The following NPAS3 variants were observed in gnomAD, a reference collection of about 807,000 sequenced individuals.
NPAS3 encodes neuronal PAS domain protein 3, also known as neuronal PAS domain-containing protein 3.
Under a neutral mutation model 73.1 loss-of-function variants are expected in NPAS3, and 14 were observed. The observed-to-expected ratio is 0.19, with a 90% CI of 0.13 to 0.30. The LOEUF (loss-of-function observed/expected upper bound fraction) is 0.30, where lower values mean the gene tolerates loss of function less well. NPAS3 is among the 10% of genes least tolerant of loss of function. The pLI, the probability that NPAS3 is intolerant of heterozygous loss-of-function variation, is 1.00. For synonymous variants in NPAS3, 620 were observed against 541.5 expected, an observed-to-expected ratio of 1.14 and a Z score of -2.01; for missense variants, 1,096 against 1,250.0, an observed-to-expected ratio of 0.88 and a Z score of 1.86.
intron 2 of NPAS3, among the ~76,000 whole-genome samples, chr14:33,213,349 G>T (rs1375857333): frequency 6.6e-6 from 1 of 152,196 alleles, no homozygotes; most frequent in Non-Finnish European, 1.5e-5. Flanking sequence ...ATGTAAAAGT[G>T]TTAGGGAAAA....
At chr14:33,426,959 G>A (rs2048578731) in intron 4 of NPAS3, among the ~76,000 whole-genome samples, 1 of 151,988 alleles carries the variant, frequency 6.6e-6, no homozygotes, top group Non-Finnish European at 1.5e-5. Flanking sequence ...TACCTTGACT[G>A]CTTTTTGACC....
chr14:33,142,178 T>C (rs960745800), intron 2 of NPAS3, among the ~76,000 whole-genome samples: 4 of 148,192 alleles, frequency 2.7e-5, no homozygotes, highest in Non-Finnish European at 5.9e-5. Context: ...TATTTTATTT[T>C]AATTTGTATA....
At chr14:33,682,309 A>C (rs114181757) in intron 6 of NPAS3, among the ~76,000 whole-genome samples, 5,317 of 152,314 alleles carry the variant, frequency 0.035, 292 homozygotes, top group African/African-American at 0.12. Context: ...GTTAATACCC[A>C]GCTGTGCCTG....
intron 4 of NPAS3, among the ~76,000 whole-genome samples, chr14:33,528,618 C>G (rs1397360293): frequency 6.6e-6 from 1 of 151,984 alleles, no homozygotes; most frequent in Non-Finnish European, 1.5e-5. Flanking sequence ...GCATCTAACC[C>G]AAGCCTCTTC....
intron 2 of NPAS3, among the ~76,000 whole-genome samples, chr14:33,087,856 A>G (rs1312298244): frequency 1.3e-5 from 2 of 152,200 alleles, no homozygotes; most frequent in African/African-American, 4.8e-5. Context: ...TCCTCAGTGT[A>G]CTCACAAACC....
intron 7 of NPAS3, among the ~76,000 whole-genome samples, chr14:33,737,938 G>T (rs747510866): frequency 4.6e-5 from 7 of 152,130 alleles, no homozygotes; most frequent in Non-Finnish European, 2.9e-5. Flanking sequence ...GTCAAGCTTT[G>T]CTCAGTGCAG....
chr14:33,510,238 T>C (rs547286394), intron 4 of NPAS3, among the ~76,000 whole-genome samples: 40 of 152,052 alleles, frequency 2.6e-4, no homozygotes, highest in Non-Finnish European at 4.3e-4. Flanking sequence ...TCAAAATCTG[T>C]GCCCTAAAAT....
intron 4 of NPAS3, among the ~76,000 whole-genome samples, chr14:33,557,445 A>G (rs1567001031): frequency 6.6e-6 from 1 of 152,238 alleles, no homozygotes; most frequent in Non-Finnish European, 1.5e-5. Flanking sequence ...GCAAGGGGTG[A>G]TGTTTAAGAT....
In NPAS3 at chr14:33,295,960, T is replaced by C. The variant is rs534489973; in HGVS notation, c.386-71226T>C. Among the ~76,000 whole-genome samples the C allele has an allele frequency of 5.3e-5, 8 of 152,334 alleles. No individual in the cohort carries two copies. In the South Asian group the frequency reaches 1.7e-3, roughly 32 times the overall value. ...GTAAGAAAGTTAACTCATTATTTGATCATGTATGCTGCAGTGCTTTACAAA... is the reference window on the plus strand; with the variant it reads ...GTAAGAAAGTTAACTCATTATTTGACCATGTATGCTGCAGTGCTTTACAAA... On this transcript the variant is annotated intron_variant, in intron 3 of 11. Transcript: ENST00000356141.
At chr14:33,504,604 A>C (rs1595046771) in intron 4 of NPAS3, among the ~76,000 whole-genome samples, 1 of 151,964 alleles carries the variant, frequency 6.6e-6, no homozygotes, top group African/African-American at 2.4e-5. Flanking sequence ...TAAGTAGAAG[A>C]TTTTATGAAT....
downstream of NPAS3, chr14:33,801,765 A>G (rs534313720): frequency 6.6e-6 from 1 of 152,562 alleles, no homozygotes; most frequent in Admixed American, 6.5e-5. Flanking sequence ...AATGTTAATT[A>G]CTGAAACATT....
chr14:33,564,026 T>C (rs1316879281), intron 5 of NPAS3, among the ~76,000 whole-genome samples: 1 of 152,204 alleles, frequency 6.6e-6, no homozygotes, highest in Non-Finnish European at 1.5e-5. Flanking sequence ...TGGCTTATAC[T>C]CTCCTCTTTC....
intron 1 of NPAS3, among the ~76,000 whole-genome samples, chr14:32,950,071 C>CA (rs2036422216): frequency 6.6e-6 from 1 of 151,950 alleles, no homozygotes; most frequent in Non-Finnish European, 1.5e-5. Flanking sequence ...ACTATTTCTT[C>CA]CATATGAACT....
At chr14:33,123,027 G>A (rs1344910051) in intron 2 of NPAS3, among the ~76,000 whole-genome samples, 1 of 151,888 alleles carries the variant, frequency 6.6e-6, no homozygotes, top group Non-Finnish European at 1.5e-5. Context: ...TAAAAACCTG[G>A]GAAATACTGG....
At chr14:33,204,708 C>T (rs1184168446) in intron 2 of NPAS3, among the ~76,000 whole-genome samples, 3 of 152,090 alleles carry the variant, frequency 2.0e-5, no homozygotes, top group African/African-American at 7.2e-5. Context: ...CCATAAAGGA[C>T]ATAGAAACCC....
intron 6 of NPAS3, among the ~76,000 whole-genome samples, chr14:33,710,102 A>G (rs2060775596): frequency 1.3e-5 from 2 of 152,234 alleles, no homozygotes; most frequent in Admixed American, 1.3e-4. Flanking sequence ...TTCATATTAC[A>G]TTAGCAAATT....
At chr14:33,123,449 GTT>G (rs1434159919) in intron 2 of NPAS3, among the ~76,000 whole-genome samples, 1 of 152,086 alleles carries the variant, frequency 6.6e-6, no homozygotes, top group East Asian at 1.9e-4. Context: ...TCCTTTCAGT[GTT>G]TTATATGCCA....
intron 2 of NPAS3, among the ~76,000 whole-genome samples, chr14:33,057,120 A>G (rs908587077): frequency 6.6e-6 from 1 of 152,188 alleles, no homozygotes; most frequent in Non-Finnish European, 1.5e-5. Flanking sequence ...TGAAATAGAC[A>G]CAAAGTGGAT....
chr14:33,221,054 G>A (rs967896991), intron 3 of NPAS3, among the ~76,000 whole-genome samples: 1 of 152,220 alleles, frequency 6.6e-6, no homozygotes, highest in African/African-American at 2.4e-5. Flanking sequence ...TCTAGACTGG[G>A]CTCAGCGGGT....
Sources: gnomAD v4.1 joint callset for allele counts (sites outside exome capture counted in the v4.1 genomes callset) on GRCh38, gnomAD v4.1.1 for gene constraint, MANE v1.5 for transcripts, NCBI Gene and HGNC (gene_info 2026-07-23, HGNC 2026-07-21) for gene names.